Variants in EVA1A observed in about 807,000 individuals in gnomAD.
EVA1A encodes the protein protein eva-1 homolog A.
A neutral mutation model predicts 9.8 loss-of-function variants in EVA1A; 7 were observed. The observed-to-expected ratio is 0.71, with a 90% confidence interval of 0.41 to 1.34. The LOEUF is 1.34. Ranked by LOEUF, EVA1A falls within the 40% of genes most tolerant of loss-of-function variation. The probability of loss-of-function intolerance (pLI) is 0.01; values close to 1 mark genes in which losing one functional copy is unlikely to be tolerated. For synonymous variants in EVA1A, 90 were observed against 85.6 expected (o/e 1.05, Z -0.28); for missense variants, 206 against 205.9 (o/e 1.00, Z 0.00).
At chr2:75,494,077 A>T (rs1425295044) in intron 3 of EVA1A, among the ~76,000 whole-genome samples, 1 of 152,170 alleles carries the variant, frequency 6.6e-6, no homozygotes, top group Non-Finnish European at 1.5e-5. Flanking sequence ...TAGTATTCAC[A>T]CGCTTGTGCA....
At chr2:75,525,080 C>G (rs913234308) in intron 1 of EVA1A, among the ~76,000 whole-genome samples, 1 of 151,928 alleles carries the variant, frequency 6.6e-6, no homozygotes. Context: ...ACATTCTATA[C>G]TTATATACAT....
intron 3 of EVA1A, among the ~76,000 whole-genome samples, chr2:75,499,030 T>A (rs1211561986): frequency 6.6e-6 from 1 of 152,218 alleles, no homozygotes; most frequent in Non-Finnish European, 1.5e-5. Flanking sequence ...ACAATGTGTA[T>A]AAAAACATGC....
chr2:75,566,122 C>T (rs1391054729), intron 1 of EVA1A, among the ~76,000 whole-genome samples: 1 of 152,210 alleles, frequency 6.6e-6, no homozygotes, highest in Non-Finnish European at 1.5e-5. Flanking sequence ...CATTCCACGA[C>T]AGCCTGCTGA....
intron 1 of EVA1A, among the ~76,000 whole-genome samples, chr2:75,548,178 G>A (rs1188620160): frequency 2.2e-4 from 33 of 152,172 alleles, no homozygotes; most frequent in Admixed American, 2.2e-3. Context: ...TGTCACTCAG[G>A]CTATAATGCA....
chr2:75,498,120 T>C (rs1453297570), intron 3 of EVA1A, among the ~76,000 whole-genome samples: 1 of 152,082 alleles, frequency 6.6e-6, no homozygotes, highest in Non-Finnish European at 1.5e-5. Flanking sequence ...GGAAATGTGG[T>C]ACATATGCAC....
chr2:75,529,720 C>T (rs1000507539), intron 1 of EVA1A, among the ~76,000 whole-genome samples: 14 of 152,078 alleles, frequency 9.2e-5, no homozygotes, highest in African/African-American at 3.4e-4. Flanking sequence ...AACAATCTAT[C>T]ACAACCCCTG....
chr2:75,563,271 C>T (rs184174363), upstream of EVA1A, among the ~76,000 whole-genome samples: 5 of 152,332 alleles, frequency 3.3e-5, no homozygotes, highest in African/African-American at 9.6e-5. Flanking sequence ...GAAGTGCATC[C>T]GTTGCTAGCC....
At chr2:75,516,163 T>G (rs1056882554) in intron 3 of EVA1A, among the ~76,000 whole-genome samples, 1 of 152,266 alleles carries the variant, frequency 6.6e-6, no homozygotes, top group African/African-American at 2.4e-5. Context: ...TCTTCCATCA[T>G]ACTTTTCATC....
At chr2:75,514,635 G>A (rs1674940580) in intron 3 of EVA1A, among the ~76,000 whole-genome samples, 1 of 151,788 alleles carries the variant, frequency 6.6e-6, no homozygotes, top group Non-Finnish European at 1.5e-5. Flanking sequence ...TATATAAATG[G>A]GATTATAATA....
chr2:75,509,489 G>A (rs1290267910), intron 3 of EVA1A, among the ~76,000 whole-genome samples: 1 of 152,092 alleles, frequency 6.6e-6, no homozygotes, highest in Non-Finnish European at 1.5e-5. Flanking sequence ...TAAGATTGTT[G>A]CTAATTTTGG....
chr2:75,563,170 C>T (rs1228552407), upstream of EVA1A, among the ~76,000 whole-genome samples: 1 of 152,144 alleles, frequency 6.6e-6, no homozygotes, highest in Non-Finnish European at 1.5e-5. Context: ...ACTGTTGAAC[C>T]CCCTACACTT....
At chr2:75,517,642 T>C (rs1675061165) in intron 3 of EVA1A, among the ~76,000 whole-genome samples, 1 of 151,950 alleles carries the variant, frequency 6.6e-6, no homozygotes, top group Non-Finnish European at 1.5e-5. Context: ...ACACAGAACA[T>C]ATAAACATAT....
chr2:75,542,783 AG>A (rs1342672220), intron 1 of EVA1A: 1 of 152,198 alleles, frequency 6.6e-6, no homozygotes, highest in Non-Finnish European at 1.5e-5. Flanking sequence ...AGATGTAGGG[AG>A]ACCCAAGAAC....
intron 1 of EVA1A, among the ~76,000 whole-genome samples, chr2:75,545,518 C>G (rs1264733101): frequency 6.6e-6 from 1 of 152,066 alleles, no homozygotes; most frequent in Non-Finnish European, 1.5e-5. Flanking sequence ...CAAGTGTAGC[C>G]ACTGATCATT....
chr2:75,555,719 C>G (rs976596799), intron 1 of EVA1A, among the ~76,000 whole-genome samples: 1 of 152,156 alleles, frequency 6.6e-6, no homozygotes, highest in Non-Finnish European at 1.5e-5. Context: ...AGTACAGAGA[C>G]AGACTCCTGC....
At chr2:75,568,341 AT>A (rs201842721) in intron 1 of EVA1A, among the ~76,000 whole-genome samples, 2,538 of 150,306 alleles carry the variant, frequency 0.017, 76 homozygotes, top group African/African-American at 0.058. Context: ...ATTAAGTAAA[AT>A]TTAATAATTA....
chr2:75,551,277 T>C (rs1676513821), intron 1 of EVA1A, among the ~76,000 whole-genome samples: 1 of 152,252 alleles, frequency 6.6e-6, no homozygotes, highest in South Asian at 2.1e-4. Context: ...AAGTTTGGTA[T>C]GTCCACTTCC....
intron 1 of EVA1A, among the ~76,000 whole-genome samples, chr2:75,536,862 A>T (rs989225403): frequency 3.9e-5 from 6 of 152,194 alleles, no homozygotes; most frequent in Admixed American, 1.3e-4. Context: ...GTTTCACTAG[A>T]AAATTCTATC....
Position 75,493,595 on chromosome 2 carries a change from C to G in EVA1A, c.100G>C (p.Ala34Pro), listed in dbSNP as rs1051330994. The change falls in exon 4 of 4, where the codon GCA becomes CCA. Residue 34 changes from alanine (A) to proline (P), a missense_variant. Transcript: ENST00000393913. ...ACGCCAGAAACAAAGTACAGAGCTG[C>G]TCGCTCAGGATTTTCTGGAGGAAGA... ...YSFVSENPER[A>P]ALYFVSGVCI... 18 of 1,592,920 alleles carry G rather than the reference C, an allele frequency of 1.1e-5. No individual in the cohort carries two copies. The Admixed American group carries it at 3.1e-4, about 28-fold the overall frequency.
Sources: allele counts gnomAD v4.1 joint callset (sites outside exome capture counted in the v4.1 genomes callset), GRCh38; gene constraint gnomAD v4.1.1; transcripts MANE v1.5; gene names NCBI Gene and HGNC (gene_info 2026-07-23, HGNC 2026-07-21).